ZIC1: variants seen among roughly 807,000 people sequenced by gnomAD.
ZIC1 encodes the protein Zic family zinc finger 1.
Under a neutral mutation model 30.9 loss-of-function variants are expected in ZIC1, and 4 were observed. The ratio of observed to expected loss-of-function variants is 0.13; its 90% confidence interval spans 0.06 to 0.30. The LOEUF (loss-of-function observed/expected upper bound fraction) is 0.30. Ranked by LOEUF, ZIC1 falls within the 10% of genes least tolerant of loss-of-function variation. ZIC1 has a pLI of 1.00. For missense variants in ZIC1, 441 were observed against 639.3 expected, an observed-to-expected ratio of 0.69 and a Z score of 3.34; for synonymous variants, 305 against 277.5, an observed-to-expected ratio of 1.10 and a Z score of -0.98.
chr3:147,410,647 G>A lies in ZIC1; in HGVS notation c.535G>A (p.Gly179Ser). The A allele has an allele frequency of 5.0e-6, 8 of 1,613,684 alleles. No homozygotes were observed. The highest frequency in any genetic ancestry group is 6.8e-6 in the Non-Finnish European group (8 of 1,179,932). The change falls in exon 1 of 3, where the codon GGC (glycine) becomes AGC (serine). Residue 179 changes from glycine (G) to serine (S), a missense_variant. Coordinates refer to ENST00000282928, the MANE Select transcript of ZIC1 (RefSeq NM_003412.4). ...CATGTACCCGCGACCGGAGCAGTAC[G>A]GCCAGGTGACCAGCCCGCGTTCGGA... ...GDMYPRPEQY[G>S]QVTSPRSEHY...
Position 147,416,156 on chromosome 3 carries a change from T to C in ZIC1, c.*2605T>C, listed in dbSNP as rs992770068. The C allele has an allele frequency of 1.3e-5, 2 of 152,204 alleles. No individual in the cohort carries two copies. The highest frequency in any genetic ancestry group is 2.9e-5 in the Non-Finnish European group (2 of 68,042). The allele number at this position is 152,204 out of a possible 1,614,324, so 9.4% of individuals were successfully genotyped here. On this transcript the variant is annotated 3_prime_UTR_variant, in exon 3 of 3. Coordinates refer to ENST00000282928, the MANE Select transcript of ZIC1 (RefSeq NM_003412.4). ...TTGAAACTGATTAACAGATTTGCAT[T>C]TGAAGTGACTCCAGACATTAGGTCC...
At position 147,410,077 on chromosome 3, in the gene ZIC1, G is replaced by T. The variant is rs537795676; in HGVS notation, c.-36G>T. The T allele has an allele frequency of 7.0e-6, 10 of 1,437,726 alleles. No individual in the cohort carries two copies. Among genetic ancestry groups the T allele is most frequent in the Non-Finnish European group, 7.3e-6 (8 of 1,103,132 alleles). 89.1% of individuals were successfully genotyped at this position (1,437,726 alleles called of 1,614,324 possible). ...CTCCTCGGCTGGCGAGGGTGGGGGGGGCGGGGGAGGCCGGGGCTCGCCCCG... is the reference window on the plus strand; with the variant it reads ...CTCCTCGGCTGGCGAGGGTGGGGGGTGCGGGGGAGGCCGGGGCTCGCCCCG... On this transcript the variant is annotated 5_prime_UTR_variant, in exon 1 of 3. Coordinates refer to ENST00000282928, the MANE Select transcript of ZIC1 (RefSeq NM_003412.4).
rs1245265758 is a variant in ZIC1, at chr3:147,409,900, G to A, written c.-213G>A. On this transcript the variant is annotated 5_prime_UTR_variant, in exon 1 of 3. Transcript: ENST00000282928. ...CGTTACTCGCGGCCCGCAGCCGTCCGGCTACTTTGCGTTTGGCCCGGCCAG... is the reference window on the plus strand; with the variant it reads ...CGTTACTCGCGGCCCGCAGCCGTCCAGCTACTTTGCGTTTGGCCCGGCCAG... The A allele has an allele frequency of 3.2e-5, 17 of 538,566 alleles. No individual in the cohort carries two copies. Among genetic ancestry groups the A allele is most frequent in the East Asian group, 1.0e-4 (3 of 29,302 alleles). The allele number at this position is 538,566 out of a possible 1,614,324, so 33.4% of individuals were successfully genotyped here. A position where few individuals can be genotyped will look rare whatever the true frequency, so the allele number is the denominator to read the frequency against.
Position 147,413,335 on chromosome 3 carries a change from C to A in ZIC1, c.1147-19C>A. 6.2e-7 allele frequency: 1 copy of A among 1,607,760 alleles called. No homozygotes were observed. The highest frequency in any genetic ancestry group is 1.1e-5 in the South Asian group (1 of 90,460). ...CACTGGCTCTTTATGTCCGTAAAAA[C>A]GCGACTTTATTCCTGCAGGTCCACG... On this transcript the variant is annotated intron_variant, in intron 2 of 2. Coordinates refer to ENST00000282928, the MANE Select transcript of ZIC1 (RefSeq NM_003412.4).
Position 147,413,704 on chromosome 3 carries a change from T to A in ZIC1, c.*153T>A, listed in dbSNP as rs1286719530. On this transcript the variant is annotated 3_prime_UTR_variant, in exon 3 of 3. Transcript: ENST00000282928. ...AATCTGCCAATAGACCCAGGACGAG[T>A]AAGAGAGGAAGCATCAACCTTTTAA... 7.4e-6 allele frequency: 6 copies of A among 815,342 alleles called. No homozygotes were observed. Among genetic ancestry groups the A allele is most frequent in the Middle Eastern group, 2.6e-4 (1 of 3,872 alleles). 50.5% of individuals were successfully genotyped at this position (815,342 alleles called of 1,614,324 possible). A position where few individuals can be genotyped will look rare whatever the true frequency, so the allele number is the denominator to read the frequency against.
rs374959346 is a variant in ZIC1 at position 147,410,310 on chromosome 3, G to T, written c.198G>T (p.Ser66=). The T allele has an allele frequency of 3.1e-6, 5 of 1,599,548 alleles. No homozygotes were observed. Among genetic ancestry groups the T allele is most frequent in the Non-Finnish European group, 2.5e-6 (3 of 1,179,124 alleles). The change falls in exon 1 of 3, where the codon TCG becomes TCT. Residue 66 remains serine, a synonymous_variant. Coordinates refer to ENST00000282928, the MANE Select transcript of ZIC1 (RefSeq NM_003412.4). ...LASAGQTAFT[S]QAPGYAAAAA... is the part of the protein sequence containing the mutation. ...CGGCCGGCCAGACGGCCTTCACGTC[G>T]CAGGCGCCAGGCTACGCGGCTGCTG... is the stretch of plus-strand genomic sequence containing the variant.
In ZIC1 at chr3:147,412,660, T is replaced by C. The variant is rs957903094; in HGVS notation, c.1125T>C (p.Ser375=). The part of the protein sequence containing the change: ...KMCDKSYTHP[S]SLRKHMKVHE... ...GCGACAAGTCCTACACGCATCCCAG[T>C]TCGCTGCGCAAACACATGAAGGTAA... The change falls in exon 2 of 3, where the codon AGT becomes AGC. Residue 375 remains serine (S), a synonymous_variant. Coordinates refer to ENST00000282928, the MANE Select transcript of ZIC1 (RefSeq NM_003412.4). The C allele has an allele frequency of 1.2e-6, 2 of 1,613,658 alleles. No homozygotes were observed. Among genetic ancestry groups the C allele is most frequent in the African/African-American group, 1.3e-5 (1 of 75,026 alleles).
chr3:147,411,153 A>C lies in ZIC1; in HGVS notation c.982+59A>C. The C allele has an allele frequency of 3.2e-6, 5 of 1,544,612 alleles. No individual in the cohort carries two copies. In the South Asian group the frequency reaches 6.3e-5, roughly 19 times the overall value. ...CCACTTGGGCCTGGGACCCAAACCG[A>C]AAGTCAGCGGCCAGGTCGCACAAAC... On this transcript the variant is annotated intron_variant, in intron 1 of 2. Transcript: ENST00000282928.
Position 147,410,321 on chromosome 3 carries a change from G to A in ZIC1, c.209G>A (p.Gly70Asp). ...ACGGCCTTCACGTCGCAGGCGCCAGGCTACGCGGCTGCTGCGGCCCTGGGC... is the reference window on the plus strand; with the variant it reads ...ACGGCCTTCACGTCGCAGGCGCCAGACTACGCGGCTGCTGCGGCCCTGGGC... ...GQTAFTSQAP[G>D]YAAAAALGHH... is the part of the protein sequence containing the mutation. The change falls in exon 1 of 3, where the codon GGC becomes GAC. Residue 70 changes from glycine to aspartate, a missense_variant. By Grantham distance (94) the Gly-to-Asp change is moderately conservative (BLOSUM62 -1). Around this residue, in one of 5 missense-constraint regions of ZIC1, gnomAD observed 307 missense variants for 355.3 expected, o/e 0.86. Coordinates refer to ENST00000282928, the MANE Select transcript of ZIC1 (RefSeq NM_003412.4). 1 of 1,599,624 alleles carries A rather than the reference G, an allele frequency of 6.3e-7. No individual in the cohort carries two copies. Among genetic ancestry groups the A allele is most frequent in the East Asian group, 2.2e-5 (1 of 44,804 alleles).
At chr3:147,412,474 T>C (rs768357593) in intron 1 of ZIC1, 44 bp from the exon 2 acceptor site, 1 of 1,596,072 alleles carries the variant, frequency 6.3e-7, no homozygotes, top group African/African-American at 1.4e-5. Context: ...ACGGCCGCGG[T>C]ATTTTTTTCT....
intron 2 of ZIC1, 22 bp downstream of exon 2, chr3:147,412,703 C>T (rs989209678): frequency 6.2e-7 from 1 of 1,600,060 alleles, no homozygotes; most frequent in East Asian, 2.2e-5. Flanking sequence ...ACTCTCGTCG[C>T]CCCCTTTGAG....
In ZIC1 at chr3:147,414,030, G is replaced by A. The variant is rs2087409225; in HGVS notation, c.*479G>A. On this transcript the variant is annotated 3_prime_UTR_variant, in exon 3 of 3. Transcript: ENST00000282928. ...TCTTTGCATTGGGGGAGGGGGGAGG[G>A]ACCGGATGGGCGGGGGGAGGGGGAG... 2 of 120,460 alleles carry A rather than the reference G, an allele frequency of 1.7e-5. No individual in the cohort carries two copies. The highest frequency in any genetic ancestry group is 1.7e-4 in the Admixed American group (2 of 11,492). The allele number at this position is 120,460 out of a possible 1,614,324, so 7.5% of individuals were successfully genotyped here. A position where few individuals can be genotyped will look rare whatever the true frequency, so the allele number is the denominator to read the frequency against.
In ZIC1 at chr3:147,413,441, C is replaced by G. The variant is rs757317244; in HGVS notation, c.1234C>G (p.Pro412Ala). Residue 412 changes from proline to alanine, a missense_variant, in exon 3 of 3, where the codon CCC (proline) becomes GCC (alanine). This residue lies in a region of ZIC1 where 56 missense variants were observed against 52.5 expected (regional missense o/e 1.07). Coordinates refer to ENST00000282928, the MANE Select transcript of ZIC1 (RefSeq NM_003412.4). ...CTCCACGCCTCCCACCATCGTGTCT[C>G]CCTCCACAGACAACCCGACCACAAG... ...ESSTPPTIVS[P>A]STDNPTTSSL... 1 of 1,614,208 alleles carries G rather than the reference C, an allele frequency of 6.2e-7. No individual in the cohort carries two copies. The highest frequency in any genetic ancestry group is 2.2e-5 in the East Asian group (1 of 44,872).
Position 147,416,567 on chromosome 3 carries a change from G to A in ZIC1, c.*3016G>A, listed in dbSNP as rs754028990. 1 of 152,178 alleles carries A rather than the reference G, an allele frequency of 6.6e-6. No homozygotes were observed. Among genetic ancestry groups the A allele is most frequent in the Non-Finnish European group, 1.5e-5 (1 of 68,026 alleles). The allele number at this position is 152,178 out of a possible 1,614,324, so 9.4% of individuals were successfully genotyped here. A position where few individuals can be genotyped will look rare whatever the true frequency, so the allele number is the denominator to read the frequency against. On this transcript the variant is annotated 3_prime_UTR_variant, in exon 3 of 3. Coordinates refer to ENST00000282928, the MANE Select transcript of ZIC1 (RefSeq NM_003412.4). ...TTAAAGATAAATTTTAGGGGTAAATGTTTACTTCAAAATGACTCCATATTT... is the reference window on the plus strand; with the variant it reads ...TTAAAGATAAATTTTAGGGGTAAATATTTACTTCAAAATGACTCCATATTT...
At chr3:147,413,327 C>G in intron 2 of ZIC1, 27 bp from the exon 3 acceptor site, 3 of 1,605,240 alleles carry the variant, frequency 1.9e-6, no homozygotes, top group South Asian at 2.2e-5. Flanking sequence ...TCTTTATGTC[C>G]GTAAAAACGC....
rs1467649022 is a variant in ZIC1, at chr3:147,416,322, G to T, written c.*2771G>T. 6.6e-6 allele frequency: 1 copy of T among 152,224 alleles called. No individual in the cohort carries two copies. The highest frequency in any genetic ancestry group is 1.5e-5 in the Non-Finnish European group (1 of 68,040). The allele number at this position is 152,224 out of a possible 1,614,324, so 9.4% of individuals were successfully genotyped here. Reference sequence around the variant, plus strand: ...ATATGAGTGTGATAATGATAAACATGATAATAGTGGTACTTTTGTAATTTT... The same window carrying T: ...ATATGAGTGTGATAATGATAAACATTATAATAGTGGTACTTTTGTAATTTT... On this transcript the variant is annotated 3_prime_UTR_variant, in exon 3 of 3. Coordinates refer to ENST00000282928, the MANE Select transcript of ZIC1 (RefSeq NM_003412.4).
intron 2 of ZIC1, 76 bp from the exon 3 acceptor site, chr3:147,413,278 C>A: frequency 6.6e-7 from 1 of 1,514,772 alleles, no homozygotes; most frequent in African/African-American, 1.4e-5. Flanking sequence ...AGGAAGGGCA[C>A]TCGCGGCCTT....
chr3:147,409,547 T>C lies in ZIC1; in HGVS notation c.-566T>C, dbSNP rs1179240743. The C allele has an allele frequency of 4.0e-5, 6 of 148,986 alleles. No individual in the cohort carries two copies. Among genetic ancestry groups the C allele is most frequent in the South Asian group, 4.2e-4 (2 of 4,746 alleles). The allele number at this position is 148,986 out of a possible 1,614,324, so 9.2% of individuals were successfully genotyped here. ...CCACCCACTTTTTTTTTTTTTTTTT[T>C]CAAAAAGCAGAGAGGGAAAAACGGA... On this transcript the variant is annotated 5_prime_UTR_variant, in exon 1 of 3. Coordinates refer to ENST00000282928, the MANE Select transcript of ZIC1 (RefSeq NM_003412.4).
At chr3:147,411,977 T>A (rs137968695) in intron 1 of ZIC1, among the ~76,000 whole-genome samples, 2 of 152,260 alleles carry the variant, frequency 1.3e-5, no homozygotes, top group Non-Finnish European at 2.9e-5. Context: ...GCTTGAGACT[T>A]CGGGTTTAAC....
Sources: gnomAD v4.1 joint callset for allele counts (sites outside exome capture counted in the v4.1 genomes callset) on GRCh38, gnomAD v4.1.1 for gene constraint, gnomAD v4.1.1 regional missense constraint, MANE v1.5 for transcripts, NCBI Gene and HGNC (gene_info 2026-07-23, HGNC 2026-07-21) for gene names.